GGACT: variants seen among roughly 807,000 people sequenced by gnomAD.
The protein encoded by GGACT is gamma-glutamylamine cyclotransferase.
For missense variants in GGACT, 241 were observed against 233.2 expected (o/e 1.03, Z -0.22); for synonymous variants, 118 against 115.3 (o/e 1.02, Z -0.15).
intron 2 of GGACT, among the ~76,000 whole-genome samples, chr13:100,573,792 A>C (rs996876122): frequency 2.0e-5 from 3 of 152,096 alleles, no homozygotes; most frequent in Admixed American, 6.6e-5. Flanking sequence ...AAACATACCC[A>C]AAAAAGCTCA....
chr13:100,536,232 T>G (rs887878945), intron 2 of GGACT: 4 of 152,190 alleles, frequency 2.6e-5, no homozygotes, highest in African/African-American at 9.7e-5. Flanking sequence ...AATTTTCTGA[T>G]GATGTAGACT....
In GGACT at chr13:100,530,321, A is replaced by G. The variant is rs2088314188; in HGVS notation, c.*1809T>C. The stretch of plus-strand genomic sequence containing the variant: ...AGAGTCAAGACCAATATTCTGCCAA[A>G]AAATCACCAATGGAAATTTTCATTG... On this transcript the variant is annotated 3_prime_UTR_variant, in exon 3 of 3. Coordinates refer to ENST00000683975, the MANE Select transcript of GGACT (RefSeq NM_001195087.2). The G allele has an allele frequency of 2.9e-6, 2 of 694,208 alleles. No individual in the cohort carries two copies. The highest frequency in any genetic ancestry group is 2.6e-6 in the Non-Finnish European group (1 of 380,974). 43.0% of individuals were successfully genotyped at this position (694,208 alleles called of 1,614,324 possible).
chr13:100,532,206 G>A lies in GGACT; in HGVS notation c.386C>T (p.Ala129Val), dbSNP rs1248937367. Residue 129 changes from alanine to valine, a missense_variant, in exon 3 of 3, where the codon GCC becomes GTC. Coordinates refer to ENST00000683975, the MANE Select transcript of GGACT (RefSeq NM_001195087.2). Reference sequence around the variant, plus strand: ...GTAGCTGTCATGGTGCGGGAGCTGGGCCCACTCCGGCGGGAAGGTGGCCCT... The same window carrying A: ...GTAGCTGTCATGGTGCGGGAGCTGGACCCACTCCGGCGGGAAGGTGGCCCT... ...YSRATFPPEW[A>V]QLPHHDSYDS... The A allele has an allele frequency of 6.8e-7, 1 of 1,480,188 alleles. No homozygotes were observed. The highest frequency in any genetic ancestry group is 9.0e-7 in the Non-Finnish European group (1 of 1,108,046). 91.7% of individuals were successfully genotyped at this position (1,480,188 alleles called of 1,614,324 possible).
intron 2 of GGACT, among the ~76,000 whole-genome samples, chr13:100,563,936 C>T (rs537183860): frequency 6.6e-6 from 1 of 151,994 alleles, no homozygotes; most frequent in East Asian, 1.9e-4. Flanking sequence ...AGATTTGGAA[C>T]CCCTGGGGGC....
chr13:100,580,110 A>C (rs1339137410), intron 2 of GGACT: 1 of 152,198 alleles, frequency 6.6e-6, no homozygotes, highest in Admixed American at 6.6e-5. Context: ...ACCTGGTCTT[A>C]CTCTGCCAAA....
intron 2 of GGACT, among the ~76,000 whole-genome samples, chr13:100,560,045 C>CGGGT: frequency 1.3e-5 from 2 of 151,886 alleles, no homozygotes; most frequent in Non-Finnish European, 2.9e-5. Context: ...CGGGTAGATC[C>CGGGT]AGGAAAAGCC....
intron 2 of GGACT, among the ~76,000 whole-genome samples, chr13:100,574,299 G>A (rs763725191): frequency 3.9e-5 from 6 of 152,204 alleles, no homozygotes; most frequent in African/African-American, 1.2e-4. Flanking sequence ...CTGGCCGGGC[G>A]TGGTGGCTCA....
intron 2 of GGACT, among the ~76,000 whole-genome samples, chr13:100,572,923 A>G (rs1242146043): frequency 6.6e-6 from 1 of 152,186 alleles, no homozygotes; most frequent in Non-Finnish European, 1.5e-5. Context: ...TACAGCTGCT[A>G]AAGGAAAAAA....
At chr13:100,549,746 G>A (rs1034048928) in intron 2 of GGACT, among the ~76,000 whole-genome samples, 2 of 152,206 alleles carry the variant, frequency 1.3e-5, no homozygotes, top group Admixed American at 1.3e-4. Context: ...ATAGCCAGAG[G>A]TGGCAGATAA....
intron 2 of GGACT, among the ~76,000 whole-genome samples, chr13:100,542,266 C>A (rs1488273119): frequency 6.6e-6 from 1 of 152,196 alleles, no homozygotes; most frequent in East Asian, 1.9e-4. Flanking sequence ...CGCTGACCCC[C>A]CCAGCAAGAA....
At chr13:100,552,140 T>G (rs964013241) in intron 2 of GGACT, among the ~76,000 whole-genome samples, 1 of 152,140 alleles carries the variant, frequency 6.6e-6, no homozygotes, top group Non-Finnish European at 1.5e-5. Flanking sequence ...CCCTGTGAAT[T>G]TCTAATTTCC....
At chr13:100,563,703 A>G (rs1228874556) in intron 2 of GGACT, among the ~76,000 whole-genome samples, 5 of 152,200 alleles carry the variant, frequency 3.3e-5, no homozygotes, top group Admixed American at 3.3e-4. Flanking sequence ...AAAATCTACT[A>G]TTAGAATATG....
chr13:100,553,508 G>A (rs140521793), intron 2 of GGACT, among the ~76,000 whole-genome samples: 12 of 152,254 alleles, frequency 7.9e-5, no homozygotes, highest in African/African-American at 2.4e-4. Flanking sequence ...ACCTGAGAGC[G>A]GCCAGACAAG....
chr13:100,573,895 A>AC (rs34146146), intron 2 of GGACT, among the ~76,000 whole-genome samples: 2 of 80,192 alleles, frequency 2.5e-5, no homozygotes, highest in South Asian at 2.4e-4. Context: ...AAAAAAAAAA[A>AC]AAAAACATGC....
intron 2 of GGACT, among the ~76,000 whole-genome samples, chr13:100,556,854 C>T (rs903785046): frequency 1.3e-5 from 2 of 152,072 alleles, no homozygotes; most frequent in Non-Finnish European, 2.9e-5. Flanking sequence ...ATAGCCAAAA[C>T]AACACTGAAA....
At chr13:100,546,788 C>T (rs914223326) in intron 2 of GGACT, among the ~76,000 whole-genome samples, 5 of 152,240 alleles carry the variant, frequency 3.3e-5, no homozygotes, top group South Asian at 2.1e-4. Context: ...AAAGGGCTGC[C>T]GCCTCTTCTA....
At chr13:100,579,361 TCTGA>T (rs1438822884) in intron 2 of GGACT, among the ~76,000 whole-genome samples, 2 of 152,124 alleles carry the variant, frequency 1.3e-5, no homozygotes, top group Non-Finnish European at 2.9e-5. Context: ...GCTCAGTCTC[TCTGA>T]CTTTCTCCTG....
chr13:100,563,859 GA>G (rs944715105), intron 2 of GGACT, among the ~76,000 whole-genome samples: 2 of 152,248 alleles, frequency 1.3e-5, no homozygotes, highest in Non-Finnish European at 2.9e-5. Context: ...ATGCTGGAAA[GA>G]GGGGAAAGGA....
chr13:100,571,484 T>C (rs1440842687), intron 2 of GGACT, among the ~76,000 whole-genome samples: 1 of 152,182 alleles, frequency 6.6e-6, no homozygotes, highest in African/African-American at 2.4e-5. Flanking sequence ...TTTTTAGTTT[T>C]AATTTTAATT....
Sources: gnomAD v4.1 joint callset for allele counts (sites outside exome capture counted in the v4.1 genomes callset) on GRCh38, gnomAD v4.1.1 for gene constraint, MANE v1.5 for transcripts, NCBI Gene and HGNC (gene_info 2026-07-23, HGNC 2026-07-21) for gene names.